DOCK4: variants seen among roughly 807,000 people sequenced by gnomAD.
DOCK4 encodes dedicator of cytokinesis 4.
In DOCK4, 97 loss-of-function variants were observed where a neutral mutation model predicts 268.1. The observed-to-expected ratio is 0.36, with a 90% CI of 0.31 to 0.43. DOCK4 has a LOEUF of 0.43. Among genes scored for constraint, DOCK4 ranks in the 20% least tolerant of loss-of-function variants. DOCK4 has a pLI of 1.00. For synonymous variants in DOCK4, 954 were observed against 887.2 expected, an observed-to-expected ratio of 1.08 and a Z score of -1.34; for missense variants, 2,145 against 2,455.7, an observed-to-expected ratio of 0.87 and a Z score of 2.67.
At chr7:111,793,813 C>T (rs961169313) in intron 30 of DOCK4, among the ~76,000 whole-genome samples, 1 of 152,044 alleles carries the variant, frequency 6.6e-6, no homozygotes, top group African/African-American at 2.4e-5. Context: ...CCCAGGAGTT[C>T]AAGACCAGCC....
intron 1 of DOCK4, among the ~76,000 whole-genome samples, chr7:112,060,928 C>A (rs186001941): frequency 1.3e-5 from 2 of 152,174 alleles, no homozygotes; most frequent in Admixed American, 6.5e-5. Context: ...GTACTTAATA[C>A]CTCTGAAATG....
chr7:112,015,994 C>T (rs1054128750), intron 1 of DOCK4, among the ~76,000 whole-genome samples: 2 of 152,198 alleles, frequency 1.3e-5, no homozygotes, highest in African/African-American at 4.8e-5. Context: ...CCTCTTAATA[C>T]TGTCTTTTTG....
At chr7:112,026,162 C>G (rs920708512) in intron 1 of DOCK4, among the ~76,000 whole-genome samples, 3 of 152,258 alleles carry the variant, frequency 2.0e-5, no homozygotes, top group South Asian at 2.1e-4. Flanking sequence ...GGCCATGGAC[C>G]AGTACCATTC....
At chr7:111,948,049 G>GA (rs1795758414) in intron 8 of DOCK4, among the ~76,000 whole-genome samples, 2 of 152,076 alleles carry the variant, frequency 1.3e-5, no homozygotes, top group South Asian at 4.2e-4. Flanking sequence ...TAAAAACAAT[G>GA]AAAAGGAAAT....
At position 112,018,179 on chromosome 7, in the gene DOCK4, A is replaced by AAAAAAAAAAAAAAAAAACAC; in HGVS notation, c.38-14049_38-14048insGTGTTTTTTTTTTTTTTTTT. Among the ~76,000 whole-genome samples, 12 of 72,630 alleles carry AAAAAAAAAAAAAAAAAACAC rather than the reference A, an allele frequency of 1.7e-4. 3 individuals carry two copies. Among genetic ancestry groups the AAAAAAAAAAAAAAAAAACAC allele is most frequent in the African/African-American group, 4.3e-4 (8 of 18,512 alleles). The allele number at this position is 72,630 out of a possible 152,430, so 47.6% of individuals were successfully genotyped here. On this transcript the variant is annotated intron_variant, in intron 1 of 52. Transcript: ENST00000428084. Reference sequence around the variant, plus strand: ...AAAAAAAAAAAAAAAAAAAAAAAAAAACACAGGCAACCAGTATTCATGTGG... The same window carrying AAAAAAAAAAAAAAAAAACAC: ...AAAAAAAAAAAAAAAAAAAAAAAAAAAAAAAAAAAAAAAAAAACACACACAGGCAACCAGTATTCATGTGG...
At chr7:112,146,579 A>C (rs901890774) in intron 1 of DOCK4, among the ~76,000 whole-genome samples, 2 of 152,058 alleles carry the variant, frequency 1.3e-5, no homozygotes, top group African/African-American at 4.8e-5. Flanking sequence ...AAAAACTATA[A>C]AAATTAGCTG....
intron 1 of DOCK4, among the ~76,000 whole-genome samples, chr7:112,020,383 G>A (rs1802210941): frequency 6.6e-6 from 1 of 152,142 alleles, no homozygotes; most frequent in Admixed American, 6.5e-5. Context: ...CCCAGCTGTG[G>A]CAGGTCCTTT....
At chr7:111,983,452 T>C (rs1005164275) in intron 7 of DOCK4, among the ~76,000 whole-genome samples, 2 of 152,140 alleles carry the variant, frequency 1.3e-5, no homozygotes, top group African/African-American at 4.8e-5. Flanking sequence ...CAATTATGCT[T>C]AGGGTGATGG....
At chr7:111,825,208 A>G (rs1006066007) in intron 26 of DOCK4, among the ~76,000 whole-genome samples, 1 of 152,216 alleles carries the variant, frequency 6.6e-6, no homozygotes, top group Admixed American at 6.5e-5. Flanking sequence ...TCTAAAATGT[A>G]GGCAAATGTT....
chr7:111,973,348 CCCT>C (rs1797888711), intron 8 of DOCK4, among the ~76,000 whole-genome samples: 1 of 151,858 alleles, frequency 6.6e-6, no homozygotes, highest in Non-Finnish European at 1.5e-5. Context: ...ATAGCACTAA[CCCT>C]CCTATTTAAT....
chr7:112,112,307 T>A (rs1811734440), intron 1 of DOCK4, among the ~76,000 whole-genome samples: 1 of 152,190 alleles, frequency 6.6e-6, no homozygotes, highest in Non-Finnish European at 1.5e-5. Flanking sequence ...CCTCTTCACC[T>A]TCCGCCATGG....
At chr7:112,056,446 T>C (rs1486570440) in intron 1 of DOCK4, among the ~76,000 whole-genome samples, 1 of 152,186 alleles carries the variant, frequency 6.6e-6, no homozygotes, top group East Asian at 1.9e-4. Context: ...ATATTAAAAA[T>C]GTGTAAGCTC....
At chr7:112,122,040 G>C (rs1191215828) in intron 1 of DOCK4, among the ~76,000 whole-genome samples, 8 of 152,090 alleles carry the variant, frequency 5.3e-5, no homozygotes, top group Middle Eastern at 3.2e-3. Context: ...CCACATTTAA[G>C]TTTTCCCTTG....
chr7:112,083,134 C>T (rs1330231876), intron 1 of DOCK4, among the ~76,000 whole-genome samples: 1 of 151,972 alleles, frequency 6.6e-6, no homozygotes, highest in Non-Finnish European at 1.5e-5. Flanking sequence ...TCCCTTTATC[C>T]ATAAATTGCA....
intron 1 of DOCK4, among the ~76,000 whole-genome samples, chr7:112,185,057 A>G (rs1338380046): frequency 6.6e-6 from 1 of 152,208 alleles, no homozygotes. Context: ...CCACACTTAA[A>G]AGAAAGAAAC....
At chr7:112,106,327 T>C (rs1333699395) in intron 1 of DOCK4, among the ~76,000 whole-genome samples, 3 of 152,074 alleles carry the variant, frequency 2.0e-5, no homozygotes, top group African/African-American at 7.2e-5. Flanking sequence ...ACAGGGAAAA[T>C]CAGACAACCA....
chr7:111,746,529 A>G (rs1338199397), intron 43 of DOCK4, 112 bp from the exon 44 acceptor site: 22 of 791,984 alleles, frequency 2.8e-5, no homozygotes, highest in Non-Finnish European at 4.1e-5. Flanking sequence ...TACAAACCAC[A>G]TTTTGGGACA....
Position 111,728,733 on chromosome 7 carries a change from G to T in DOCK4, c.5482-13C>A. 1 of 1,592,640 alleles carries T rather than the reference G, an allele frequency of 6.3e-7. No homozygotes were observed. ...ACTGCACAGAGCCCTGCTCCGGGGAGAAGGAAACGAGAGGGAGACACAGCA... is the reference window on the plus strand; with the variant it reads ...ACTGCACAGAGCCCTGCTCCGGGGATAAGGAAACGAGAGGGAGACACAGCA... On this transcript the variant is annotated splice_polypyrimidine_tract_variant and intron_variant, in intron 52 of 52. Coordinates refer to ENST00000428084, the MANE Select transcript of DOCK4 (RefSeq NM_001363540.2).
intron 1 of DOCK4, among the ~76,000 whole-genome samples, chr7:112,006,755 T>C (rs1225999927): frequency 1.3e-5 from 2 of 152,212 alleles, no homozygotes. Flanking sequence ...ACCAGCCTTG[T>C]CTGTGTAATC....
Sources: allele counts gnomAD v4.1 joint callset (sites outside exome capture counted in the v4.1 genomes callset), GRCh38; gene constraint gnomAD v4.1.1; transcripts MANE v1.5; gene names NCBI Gene and HGNC (gene_info 2026-07-23, HGNC 2026-07-21).